The following TARBP1 variants were observed in gnomAD, a reference collection of about 807,000 sequenced individuals.
TARBP1 encodes tRNA (guanosine(18)-2'-O)-methyltransferase TARBP1.
TARBP1 carries 144 observed loss-of-function variants against 178.6 expected under a neutral mutation model. That is an observed-to-expected ratio of 0.81 (90% CI 0.70 to 0.93). The LOEUF (loss-of-function observed/expected upper bound fraction) is 0.93, where lower values mean the gene tolerates loss of function less well. Among genes scored for constraint, TARBP1 ranks in the 40% least tolerant of loss-of-function variants. The probability of loss-of-function intolerance (pLI) is 0.00; values close to 1 mark genes in which losing one functional copy is unlikely to be tolerated. For missense variants in TARBP1, 2,067 were observed against 2,011.7 expected, an observed-to-expected ratio of 1.03 and a Z score of -0.53; for synonymous variants, 787 against 781.0, an observed-to-expected ratio of 1.01 and a Z score of -0.13.
chr1:234,472,075 G>A lies in TARBP1; in HGVS notation c.1029+639C>T, dbSNP rs1375067943. On this transcript the variant is annotated intron_variant, in intron 2 of 29. Coordinates refer to ENST00000040877, the MANE Select transcript of TARBP1 (RefSeq NM_005646.4). Reference sequence around the variant, plus strand: ...GTCCTGGACGGGTGCGGTGGCTCACGCCTGTAATCCCAGCACTTTGGGAGG... The same window carrying A: ...GTCCTGGACGGGTGCGGTGGCTCACACCTGTAATCCCAGCACTTTGGGAGG... 3.9e-5 allele frequency among the ~76,000 whole-genome samples: 6 copies of A among 152,196 alleles called. No individual in the cohort carries two copies. In the South Asian group the frequency reaches 1.0e-3, roughly 26 times the overall value.
Position 234,429,653 on chromosome 1 carries a change from G to T in TARBP1, c.2634C>A (p.Ser878=), listed in dbSNP as rs749616380. Residue 878 remains serine (S), a synonymous_variant, in exon 16 of 30, where the codon TCC becomes TCA. Coordinates refer to ENST00000040877, the MANE Select transcript of TARBP1 (RefSeq NM_005646.4). The part of the protein sequence containing the change: ...CSSVLEESSS[S]QGWGKIVAQY... ...GTGCAACTATTTTTCCCCATCCTTG[G>T]GAAGATGACGATTCTTCCAAAACAC... 6.2e-7 allele frequency: 1 copy of T among 1,603,406 alleles called. No homozygotes were observed. The highest frequency in any genetic ancestry group is 1.3e-5 in the African/African-American group (1 of 74,244).
chr1:234,455,986 G>GC (rs1667231059), intron 9 of TARBP1, among the ~76,000 whole-genome samples: 1 of 152,254 alleles, frequency 6.6e-6, no homozygotes, highest in East Asian at 1.9e-4. Flanking sequence ...GTCACCAAAT[G>GC]CTATGTTTTA....
At chr1:234,452,228 T>A (rs1441486094) in intron 9 of TARBP1, among the ~76,000 whole-genome samples, 1 of 152,126 alleles carries the variant, frequency 6.6e-6, no homozygotes, top group Non-Finnish European at 1.5e-5. Context: ...TTCCCTTGAT[T>A]CCCCATTACA....
intron 20 of TARBP1, among the ~76,000 whole-genome samples, chr1:234,423,203 G>A (rs1262142867): frequency 6.6e-6 from 1 of 152,140 alleles, no homozygotes; most frequent in African/African-American, 2.4e-5. Context: ...ATGCAGGAGG[G>A]CTCCAATTTT....
chr1:234,463,181 T>C (rs552937092), intron 6 of TARBP1, among the ~76,000 whole-genome samples: 5 of 152,318 alleles, frequency 3.3e-5, no homozygotes, highest in African/African-American at 9.6e-5. Context: ...TAGAGTATAG[T>C]GGCACAATCT....
intron 9 of TARBP1, among the ~76,000 whole-genome samples, chr1:234,452,464 C>A (rs1666881905): frequency 6.6e-6 from 1 of 152,128 alleles, no homozygotes; most frequent in Admixed American, 6.5e-5. Flanking sequence ...ATAGCATATA[C>A]AAAATGCTCA....
intron 19 of TARBP1, among the ~76,000 whole-genome samples, chr1:234,426,662 C>G (rs186081816): frequency 4.6e-5 from 7 of 151,934 alleles, no homozygotes; most frequent in Non-Finnish European, 1.0e-4. Context: ...TATAAACACA[C>G]GTACACATTT....
intron 1 of TARBP1, among the ~76,000 whole-genome samples, chr1:234,476,221 G>A (rs1199685652): frequency 6.6e-6 from 1 of 152,180 alleles, no homozygotes; most frequent in Non-Finnish European, 1.5e-5. Flanking sequence ...ATGGAAATGA[G>A]AGAAAAACAT....
At chr1:234,438,637 C>T (rs1215283372) in intron 12 of TARBP1, among the ~76,000 whole-genome samples, 1 of 152,124 alleles carries the variant, frequency 6.6e-6, no homozygotes, top group African/African-American at 2.4e-5. Context: ...AACTAGACAT[C>T]TGTGGGATAA....
intron 22 of TARBP1, among the ~76,000 whole-genome samples, chr1:234,412,049 A>AC (rs1482384341): frequency 6.6e-6 from 1 of 152,232 alleles, no homozygotes; most frequent in African/African-American, 2.4e-5. Flanking sequence ...TAAAATCCTA[A>AC]CTGTAAGCAG....
At chr1:234,410,730 T>G (rs1001316130) in intron 22 of TARBP1, among the ~76,000 whole-genome samples, 199 bp from the exon 23 acceptor site, 1 of 152,154 alleles carries the variant, frequency 6.6e-6, no homozygotes, top group Non-Finnish European at 1.5e-5. Context: ...TAGAGCCAAA[T>G]GCCAGTGCAC....
At chr1:234,414,020 C>T (rs1348671007) in intron 22 of TARBP1, among the ~76,000 whole-genome samples, 1 of 152,146 alleles carries the variant, frequency 6.6e-6, no homozygotes, top group East Asian at 1.9e-4. Flanking sequence ...CTCAGTGTTA[C>T]ACATCTACGT....
chr1:234,428,334 T>C (rs2103122016), intron 17 of TARBP1, among the ~76,000 whole-genome samples: 1 of 149,180 alleles, frequency 6.7e-6, no homozygotes, highest in East Asian at 2.0e-4. Flanking sequence ...GAAAAATATT[T>C]CTCTACACAC....
At chr1:234,413,215 A>C (rs1029350200) in intron 22 of TARBP1, among the ~76,000 whole-genome samples, 2 of 152,220 alleles carry the variant, frequency 1.3e-5, no homozygotes, top group African/African-American at 4.8e-5. Context: ...AGGCCCAGAC[A>C]ACACACACAT....
intron 1 of TARBP1, among the ~76,000 whole-genome samples, chr1:234,476,969 T>C (rs939343072): frequency 3.3e-5 from 5 of 152,346 alleles, no homozygotes; most frequent in African/African-American, 1.2e-4. Context: ...GCAGATCACC[T>C]GAGGTGAGGA....
In TARBP1 at chr1:234,459,226, T is replaced by G. The variant is rs1667596816; in HGVS notation, c.1632+4A>C. 3.1e-6 allele frequency: 5 copies of G among 1,605,008 alleles called. No individual in the cohort carries two copies. Among genetic ancestry groups the G allele is most frequent in the Non-Finnish European group, 4.2e-6 (5 of 1,177,124 alleles). On this transcript the variant is annotated splice_donor_region_variant and intron_variant, in intron 8 of 29. Coordinates refer to ENST00000040877, the MANE Select transcript of TARBP1 (RefSeq NM_005646.4). ...TAAATGGAAGTAACAAAAGAAAAAC[T>G]TACCACATCTAGCAAATTCATAGCT... is the stretch of plus-strand genomic sequence containing the variant.
intron 10 of TARBP1, 91 bp downstream of exon 10, chr1:234,450,337 G>A (rs1311214072): frequency 1.3e-5 from 13 of 993,074 alleles, no homozygotes; most frequent in African/African-American, 3.4e-5. Context: ...CATATATTTC[G>A]TAAAGCCTAA....
At chr1:234,441,194 A>C (rs1665558573) in intron 12 of TARBP1, among the ~76,000 whole-genome samples, 1 of 152,168 alleles carries the variant, frequency 6.6e-6, no homozygotes, top group African/African-American at 2.4e-5. Flanking sequence ...TAAATAAATA[A>C]ATGTAAGGAA....
rs1175133286 is a variant in TARBP1, at chr1:234,420,814, T to A, written c.3445-2A>T. On this transcript the variant is annotated splice_acceptor_variant, in intron 20 of 29. Coordinates refer to ENST00000040877, the MANE Select transcript of TARBP1 (RefSeq NM_005646.4). LOFTEE classifies it high-confidence loss of function. ...TTTGGACTTGGACACTAATTCATCC[T>A]GGAAAGGAGAAGGGAGGGAGTCAAC... 6.4e-7 allele frequency: 1 copy of A among 1,551,258 alleles called. No homozygotes were observed. The highest frequency in any genetic ancestry group is 8.9e-7 in the Non-Finnish European group (1 of 1,129,072).
Sources: allele counts gnomAD v4.1 joint callset (sites outside exome capture counted in the v4.1 genomes callset), GRCh38; gene constraint gnomAD v4.1.1; transcripts MANE v1.5; gene names NCBI Gene and HGNC (gene_info 2026-07-23, HGNC 2026-07-21).